The following AGBL4 variants were observed in gnomAD, a reference collection of about 807,000 sequenced individuals.
The protein encoded by AGBL4 is AGBL carboxypeptidase 4, also known as cytosolic carboxypeptidase 6.
Under a neutral mutation model 66.4 loss-of-function variants are expected in AGBL4, and 58 were observed. That is an observed-to-expected ratio of 0.87 (90% CI 0.71 to 1.09). The LOEUF (loss-of-function observed/expected upper bound fraction) is 1.09, where lower values mean the gene tolerates loss of function less well. AGBL4 is among the 50% of genes least tolerant of loss of function. The pLI, the probability that AGBL4 is intolerant of heterozygous loss-of-function variation, is 0.00. For missense variants in AGBL4, 579 were observed against 631.0 expected (o/e 0.92, Z 0.88); for synonymous variants, 234 against 222.9 (o/e 1.05, Z -0.44).
At chr1:48,879,166 G>A (rs1227133298) in intron 5 of AGBL4, among the ~76,000 whole-genome samples, 1 of 150,818 alleles carries the variant, frequency 6.6e-6, no homozygotes, top group African/African-American at 2.4e-5. Context: ...GATACCTTTT[G>A]TTACATGGAG....
chr1:48,756,478 C>T (rs1364175214), intron 6 of AGBL4, among the ~76,000 whole-genome samples: 1 of 152,142 alleles, frequency 6.6e-6, no homozygotes, highest in Non-Finnish European at 1.5e-5. Context: ...AATTCTTACA[C>T]TAGGCTAGGT....
chr1:49,966,211 G>T (rs1223344564), intron 1 of AGBL4, among the ~76,000 whole-genome samples: 3 of 151,934 alleles, frequency 2.0e-5, no homozygotes, highest in Non-Finnish European at 4.4e-5. Context: ...CAAAGTGCTG[G>T]GATTACAGGT....
At chr1:48,682,187 T>C (rs1281376350) in intron 6 of AGBL4, among the ~76,000 whole-genome samples, 1 of 152,192 alleles carries the variant, frequency 6.6e-6, no homozygotes, top group Non-Finnish European at 1.5e-5. Flanking sequence ...TCATCTCAGA[T>C]TTCTGGTCTT....
rs750165572 is a variant in AGBL4 at position 49,967,862 on chromosome 1, CT to C, written c.34+55900del. Among the ~76,000 whole-genome samples the C allele has an allele frequency of 3.3e-5, 5 of 151,998 alleles. No homozygotes were observed. In the South Asian group the frequency reaches 1.0e-3, roughly 32 times the overall value. On this transcript the variant is annotated intron_variant, in intron 1 of 13. Coordinates refer to ENST00000371839, the MANE Select transcript of AGBL4 (RefSeq NM_032785.4). The stretch of plus-strand genomic sequence containing the variant: ...ATACTGCTGACTACTTATATTTATT[CT>C]TTTGTAATTGCTAGGTATAGACTTT...
At chr1:49,141,991 G>T (rs190567218) in intron 4 of AGBL4, among the ~76,000 whole-genome samples, 2 of 152,066 alleles carry the variant, frequency 1.3e-5, no homozygotes, top group African/African-American at 2.4e-5. Context: ...CACACAGCAC[G>T]AGGTGGTGGG....
chr1:48,780,098 T>C (rs753789070), intron 6 of AGBL4, among the ~76,000 whole-genome samples: 3 of 152,000 alleles, frequency 2.0e-5, no homozygotes, highest in African/African-American at 7.3e-5. Flanking sequence ...TACATAGGTA[T>C]ACACATGCCA....
At position 48,653,452 on chromosome 1, in the gene AGBL4, C is replaced by G. The variant is rs1244259797; in HGVS notation, c.725-1G>C. On this transcript the variant is annotated splice_acceptor_variant, in intron 7 of 13. Transcript: ENST00000371839. LOFTEE classifies it high-confidence loss of function. ...TGGCTTACAAGGAAGTCAATGATCC[C>G]TAGGGAAAGAGAAGAGCCCGGTTTA... 1 of 1,563,374 alleles carries G rather than the reference C, an allele frequency of 6.4e-7. No homozygotes were observed. Among genetic ancestry groups the G allele is most frequent in the Admixed American group, 1.9e-5 (1 of 52,744 alleles).
intron 6 of AGBL4, among the ~76,000 whole-genome samples, chr1:48,840,391 A>G (rs1375289707): frequency 3.3e-5 from 5 of 152,166 alleles, no homozygotes; most frequent in Non-Finnish European, 5.9e-5. Context: ...AGTTTTCTCA[A>G]CTTTTAAAAT....
At chr1:48,754,589 A>G (rs1652245670) in intron 6 of AGBL4, among the ~76,000 whole-genome samples, 1 of 152,188 alleles carries the variant, frequency 6.6e-6, no homozygotes, top group Non-Finnish European at 1.5e-5. Context: ...GAAAAAGGAA[A>G]AGGGGACTGG....
intron 3 of AGBL4, among the ~76,000 whole-genome samples, chr1:49,349,264 G>A (rs769707909): frequency 2.0e-5 from 3 of 152,144 alleles, no homozygotes; most frequent in Non-Finnish European, 2.9e-5. Flanking sequence ...TAATAACTCT[G>A]ATCATATTCT....
At chr1:49,902,443 T>C (rs1360903102) in intron 1 of AGBL4, among the ~76,000 whole-genome samples, 1 of 152,168 alleles carries the variant, frequency 6.6e-6, no homozygotes, top group African/African-American at 2.4e-5. Flanking sequence ...TCAACATTAC[T>C]AATCATTAGA....
rs189449680 is a variant in AGBL4, at chr1:49,726,059, A to T, written c.158-28622T>A. ...GTGGGGGTTGAGGGAGAGACAAATA[A>T]GAGAAACACTATAAATATAGTGAAG... On this transcript the variant is annotated intron_variant, in intron 2 of 13. Coordinates refer to ENST00000371839, the MANE Select transcript of AGBL4 (RefSeq NM_032785.4). Among the ~76,000 whole-genome samples, 3 of 152,274 alleles carry T rather than the reference A, an allele frequency of 2.0e-5. No homozygotes were observed. In the East Asian group the frequency reaches 5.8e-4, roughly 29 times the overall value.
chr1:49,821,572 T>C (rs990487057), intron 2 of AGBL4, among the ~76,000 whole-genome samples: 4 of 152,218 alleles, frequency 2.6e-5, no homozygotes, highest in Non-Finnish European at 4.4e-5. Context: ...CTGCTCTCTG[T>C]AGAATGTGTT....
At chr1:48,735,190 T>C (rs1236585823) in intron 6 of AGBL4, among the ~76,000 whole-genome samples, 1 of 152,168 alleles carries the variant, frequency 6.6e-6, no homozygotes, top group Non-Finnish European at 1.5e-5. Context: ...CTAAAATAAT[T>C]AGCAACTACT....
intron 6 of AGBL4, among the ~76,000 whole-genome samples, chr1:48,806,932 A>ATGTG (rs3043291): frequency 6.6e-6 from 1 of 150,836 alleles, no homozygotes; most frequent in Admixed American, 6.6e-5. Flanking sequence ...GTGTGCATAT[A>ATGTG]TGTGTGTGTG....
intron 6 of AGBL4, among the ~76,000 whole-genome samples, chr1:48,773,134 C>T (rs1644916546): frequency 6.6e-6 from 1 of 152,086 alleles, no homozygotes; most frequent in South Asian, 2.1e-4. Flanking sequence ...AGTAAGGAGA[C>T]ATCTGAAACA....
intron 4 of AGBL4, among the ~76,000 whole-genome samples, chr1:49,176,159 A>G (rs2148175798): frequency 6.6e-6 from 1 of 152,268 alleles, no homozygotes; most frequent in South Asian, 2.1e-4. Context: ...GATGGTGATG[A>G]CAATGATGAT....
At chr1:48,818,140 T>A (rs921926139) in intron 6 of AGBL4, 38 of 716,710 alleles carry the variant, frequency 5.3e-5, no homozygotes, top group Non-Finnish European at 9.6e-5. Flanking sequence ...CGAGATTAGG[T>A]CAAATTCATA....
intron 3 of AGBL4, among the ~76,000 whole-genome samples, chr1:49,679,397 A>ATG (rs773778555): frequency 1.3e-5 from 2 of 151,310 alleles, no homozygotes; most frequent in African/African-American, 2.4e-5. Context: ...GTATGTTTGC[A>ATG]TGTGTGTGTG....
Sources: gnomAD v4.1 joint callset for allele counts (sites outside exome capture counted in the v4.1 genomes callset) on GRCh38, gnomAD v4.1.1 for gene constraint, MANE v1.5 for transcripts, NCBI Gene and HGNC (gene_info 2026-07-23, HGNC 2026-07-21) for gene names.